Variants in SEMA5A observed in about 807,000 individuals in gnomAD.
The protein encoded by SEMA5A is semaphorin 5A, also known as semaphorin-5A.
SEMA5A carries 55 observed loss-of-function variants against 135.5 expected under a neutral mutation model. The ratio of observed to expected loss-of-function variants is 0.41; its 90% CI spans 0.33 to 0.51. The LOEUF (loss-of-function observed/expected upper bound fraction) is 0.51. Among genes scored for constraint, SEMA5A ranks in the 20% least tolerant of loss-of-function variants. The pLI, the probability that SEMA5A is intolerant of heterozygous loss-of-function variation, is 0.37. For missense variants in SEMA5A, 1,290 were observed against 1,419.9 expected, an observed-to-expected ratio of 0.91 and a Z score of 1.47; for synonymous variants, 580 against 546.5, an observed-to-expected ratio of 1.06 and a Z score of -0.85.
intron 3 of SEMA5A, among the ~76,000 whole-genome samples, chr5:9,379,547 G>A (rs1370298976): frequency 2.6e-5 from 4 of 152,148 alleles, no homozygotes; most frequent in African/African-American, 7.2e-5. Flanking sequence ...ACACTTAGGA[G>A]GCCCACAGTA....
chr5:9,520,604 C>T lies in SEMA5A; in HGVS notation c.-175+24980G>A, dbSNP rs116146361. The stretch of plus-strand genomic sequence containing the variant: ...TTGGTCTGTTATTCCATATTTTATA[C>T]TCTCCCAGCCAGGAGATCAAAGTCA... On this transcript the variant is annotated intron_variant, in intron 1 of 22. Coordinates refer to ENST00000382496, the MANE Select transcript of SEMA5A (RefSeq NM_003966.3). 7.1e-3 allele frequency among the ~76,000 whole-genome samples: 1,084 copies of T among 152,276 alleles called. 12 individuals are homozygous for T. The highest frequency in any genetic ancestry group is 0.024 in the African/African-American group (996 of 41,556).
In SEMA5A at chr5:9,408,834, A is replaced by AT. The variant is rs113879391; in HGVS notation, c.-77-28812dup. Among the ~76,000 whole-genome samples, 745 of 143,782 alleles carry AT rather than the reference A, an allele frequency of 5.2e-3. 3 individuals carry two copies. The highest frequency in any genetic ancestry group is 5.9e-3 in the Non-Finnish European group (400 of 67,278). 94.3% of individuals were successfully genotyped at this position (143,782 alleles called of 152,430 possible). A position where few individuals can be genotyped will look rare whatever the true frequency, so the allele number is the denominator to read the frequency against. On this transcript the variant is annotated intron_variant, in intron 2 of 22. Transcript: ENST00000382496. Reference sequence around the variant, plus strand: ...ACAATTTCAAAACAAATTTTTAGTTATTTTTTTTTTAAATGTCATAGAGTC... The same window carrying AT: ...ACAATTTCAAAACAAATTTTTAGTTATTTTTTTTTTTAAATGTCATAGAGTC...
chr5:9,417,430 C>A (rs561226135), intron 2 of SEMA5A, among the ~76,000 whole-genome samples: 3 of 152,248 alleles, frequency 2.0e-5, no homozygotes, highest in African/African-American at 7.2e-5. Flanking sequence ...AGTGGGATCC[C>A]AATTTGTACA....
intron 5 of SEMA5A, among the ~76,000 whole-genome samples, chr5:9,239,086 C>T (rs544844589): frequency 6.6e-6 from 1 of 152,252 alleles, no homozygotes; most frequent in South Asian, 2.1e-4. Flanking sequence ...AAGAATGTTA[C>T]ATAACAGAGA....
At chr5:9,236,466 C>T (rs936226271) in intron 6 of SEMA5A, among the ~76,000 whole-genome samples, 1 of 152,180 alleles carries the variant, frequency 6.6e-6, no homozygotes, top group Non-Finnish European at 1.5e-5. Context: ...GAGACTCAAA[C>T]ACCACAGGGA....
At chr5:9,444,664 T>A (rs1360306418) in intron 1 of SEMA5A, among the ~76,000 whole-genome samples, 1 of 152,254 alleles carries the variant, frequency 6.6e-6, no homozygotes, top group East Asian at 1.9e-4. Flanking sequence ...TGTGCAAGTA[T>A]CTTTTTCATA....
At chr5:9,407,146 C>A (rs148722961) in intron 2 of SEMA5A, among the ~76,000 whole-genome samples, 3,114 of 152,220 alleles carry the variant, frequency 0.02, 47 homozygotes, top group Non-Finnish European at 0.03. Flanking sequence ...ACAAATGTCC[C>A]CTTGCAGAGG....
chr5:9,442,385 T>C (rs1758268805), intron 1 of SEMA5A, among the ~76,000 whole-genome samples: 1 of 152,160 alleles, frequency 6.6e-6, no homozygotes, highest in Admixed American at 6.5e-5. Flanking sequence ...TGTCCACGTG[T>C]CTCCACTGGA....
chr5:9,375,495 G>A (rs762393018), intron 3 of SEMA5A, among the ~76,000 whole-genome samples: 49 of 151,532 alleles, frequency 3.2e-4, no homozygotes, highest in African/African-American at 3.6e-4. Context: ...AGCAGAGATC[G>A]GTTCTTCTCT....
chr5:9,507,708 G>A (rs73038512), intron 1 of SEMA5A, among the ~76,000 whole-genome samples: 1,575 of 152,186 alleles, frequency 0.01, 25 homozygotes, highest in African/African-American at 0.036. Flanking sequence ...TTTCTAGCAT[G>A]AGGTAAAACT....
chr5:9,190,328 G>T lies in SEMA5A; in HGVS notation c.1212C>A (p.His404Gln). ...TGCCCTGCACCACGTCGACTGCCAC[G>T]TGGGAAAAGCGGCTATTGTCCTCCA... ...SFMEDNSRFS[H>Q]VAVDVVQGRE... is the part of the protein sequence containing the mutation. Residue 404 changes from histidine to glutamine, a missense_variant, in exon 11 of 23, where the codon CAC (histidine) becomes CAA (glutamine). Around this residue, in one of 3 missense-constraint regions of SEMA5A, gnomAD observed 1,029 missense variants for 1,086.6 expected, o/e 0.95. Transcript: ENST00000382496. 1.2e-6 allele frequency: 2 copies of T among 1,614,134 alleles called. No individual in the cohort carries two copies. The highest frequency in any genetic ancestry group is 1.7e-6 in the Non-Finnish European group (2 of 1,180,004).
At chr5:9,486,720 C>A (rs1389109791) in intron 1 of SEMA5A, among the ~76,000 whole-genome samples, 2 of 151,886 alleles carry the variant, frequency 1.3e-5, no homozygotes, top group African/African-American at 4.8e-5. Context: ...AGACAGAATG[C>A]AAGAAGAAAC....
intron 5 of SEMA5A, among the ~76,000 whole-genome samples, chr5:9,266,305 A>G (rs1349016647): frequency 1.3e-5 from 2 of 152,208 alleles, no homozygotes; most frequent in African/African-American, 4.8e-5. Flanking sequence ...TGTGCTAAGT[A>G]TCTTATAAAT....
chr5:9,086,509 G>A (rs553653500), intron 16 of SEMA5A, among the ~76,000 whole-genome samples: 16 of 152,292 alleles, frequency 1.1e-4, no homozygotes, highest in African/African-American at 2.4e-4. Flanking sequence ...CATTTGAGAT[G>A]TGCCTTTCAC....
At chr5:9,217,362 G>C (rs757868169) in intron 8 of SEMA5A, among the ~76,000 whole-genome samples, 2 of 152,150 alleles carry the variant, frequency 1.3e-5, no homozygotes, top group Admixed American at 6.5e-5. Context: ...GAGGTCCACT[G>C]TTAGCCTGAT....
chr5:9,208,290 A>G (rs1746159528), intron 8 of SEMA5A, among the ~76,000 whole-genome samples: 1 of 152,256 alleles, frequency 6.6e-6, no homozygotes, highest in South Asian at 2.1e-4. Context: ...TTATTCCATC[A>G]AGCCTGAAAC....
At chr5:9,447,562 C>T (rs1312555093) in intron 1 of SEMA5A, among the ~76,000 whole-genome samples, 1 of 152,192 alleles carries the variant, frequency 6.6e-6, no homozygotes. Flanking sequence ...AGGCAACTTG[C>T]TCAGGAATGT....
In SEMA5A at chr5:9,238,209, C is replaced by T. The variant is rs1748013699; in HGVS notation, c.271-319G>A. Among the ~76,000 whole-genome samples the T allele has an allele frequency of 2.0e-5, 3 of 152,086 alleles. No individual in the cohort carries two copies. The South Asian group carries it at 6.2e-4, about 32-fold the overall frequency. ...GCACTGATGGTAGAAATGATCACTT[C>T]AGTGAAACTATGGAATAGACCCAGA... is the stretch of plus-strand genomic sequence containing the variant. On this transcript the variant is annotated intron_variant, in intron 5 of 22. Transcript: ENST00000382496.
At chr5:9,079,364 G>T (rs190247517) in intron 16 of SEMA5A, among the ~76,000 whole-genome samples, 1 of 152,164 alleles carries the variant, frequency 6.6e-6, no homozygotes, top group Admixed American at 6.5e-5. Flanking sequence ...TGAAACCAAT[G>T]AGAACAAAGA....
Sources: allele counts gnomAD v4.1 joint callset (sites outside exome capture counted in the v4.1 genomes callset), GRCh38; gene constraint gnomAD v4.1.1; regional missense constraint gnomAD v4.1.1; transcripts MANE v1.5; gene names NCBI Gene and HGNC (gene_info 2026-07-23, HGNC 2026-07-21).